WDR81: variants seen among roughly 807,000 people sequenced by gnomAD.
The protein encoded by WDR81 is WD repeat-containing protein 81.
WDR81 carries 92 observed loss-of-function variants against 140.8 expected under a neutral mutation model. The ratio of observed to expected loss-of-function variants is 0.65; its 90% CI spans 0.55 to 0.78. The LOEUF (loss-of-function observed/expected upper bound fraction) is 0.78. Among genes scored for constraint, WDR81 ranks in the 30% least tolerant of loss-of-function variants. The pLI is 0.00. For synonymous variants in WDR81, 1,183 were observed against 1,156.4 expected (o/e 1.02, Z -0.47); for missense variants, 2,502 against 2,636.4 (o/e 0.95, Z 1.12).
At position 1,732,129 on chromosome 17, in the gene WDR81, C is replaced by T. The variant is rs1014853183; in HGVS notation, c.4158-196C>T. On this transcript the variant is annotated intron_variant, in intron 4 of 9. Coordinates refer to ENST00000409644, the MANE Select transcript of WDR81 (RefSeq NM_001163809.2). ...GCTCATGCCTGTAGTCCCAGCTACT[C>T]GGGAGACTGAGGCAGGAGAATCGCT... Among the ~76,000 whole-genome samples, 5 of 151,956 alleles carry T rather than the reference C, an allele frequency of 3.3e-5. No homozygotes were observed. The East Asian group carries it at 9.6e-4, about 29-fold the overall frequency.
At chr17:1,730,541 C>T in intron 2 of WDR81, 54 bp downstream of exon 2, 1 of 1,557,570 alleles carries the variant, frequency 6.4e-7, no homozygotes, top group Non-Finnish European at 8.8e-7. Context: ...AGGCCCTCTG[C>T]CTAGCTTCAG....
Position 1,727,494 on chromosome 17 carries a change from G to GT in WDR81, c.2538dup (p.Glu847Ter). 6.4e-7 allele frequency: 1 copy of GT among 1,550,412 alleles called. No homozygotes were observed. The highest frequency in any genetic ancestry group is 8.7e-7 in the Non-Finnish European group (1 of 1,146,986). Reference sequence around the variant, plus strand: ...CAGAGAGGGGCAAGCTGGACCAACTGTTTGAGTACAGGCCTGTCTCCCAGG... The same window carrying GT: ...CAGAGAGGGGCAAGCTGGACCAACTGTTTTGAGTACAGGCCTGTCTCCCAGG... On this transcript the variant is annotated frameshift_variant, in exon 1 of 10. Transcript: ENST00000409644. LOFTEE classifies it high-confidence loss of function.
At chr17:1,723,885 G>A (rs1285904961), upstream of WDR81, among the ~76,000 whole-genome samples, 2 of 152,176 alleles carry the variant, frequency 1.3e-5, no homozygotes, top group Non-Finnish European at 2.9e-5. Context: ...TCCGCCAGGC[G>A]GACAAGCCTC....
chr17:1,728,352 C>G lies in WDR81; in HGVS notation c.3393C>G (p.Pro1131=). 5.6e-6 allele frequency: 9 copies of G among 1,612,904 alleles called. No homozygotes were observed. Among genetic ancestry groups the G allele is most frequent in the South Asian group, 3.3e-5 (3 of 91,078 alleles). ...EERAPDEGGA[P]VDKSSLRSGD... ...GGGCTCCAGACGAGGGGGGTGCCCCCGTGGACAAGAGCAGCCTTCGATCAG... is the reference window on the plus strand; with the variant it reads ...GGGCTCCAGACGAGGGGGGTGCCCCGGTGGACAAGAGCAGCCTTCGATCAG... Residue 1131 remains proline (P), a synonymous_variant, in exon 1 of 10, where the codon CCC becomes CCG. Transcript: ENST00000409644.
At position 1,725,085 on chromosome 17, in the gene WDR81, C is replaced by G. The variant is rs1915133067; in HGVS notation, c.126C>G (p.Pro42=). Residue 42 remains proline (P), a synonymous_variant, in exon 1 of 10, where the codon CCC becomes CCG. Transcript: ENST00000409644. The part of the protein sequence containing the change: ...RSVERDLSID[P]RQLAPAPGGT... Reference sequence around the variant, plus strand: ...TGGAGAGGGACCTGAGCATCGATCCCAGGCAGCTGGCTCCGGCCCCGGGGG... The same window carrying G: ...TGGAGAGGGACCTGAGCATCGATCCGAGGCAGCTGGCTCCGGCCCCGGGGG... The G allele has an allele frequency of 6.7e-7, 1 of 1,498,492 alleles. No homozygotes were observed. Among genetic ancestry groups the G allele is most frequent in the Non-Finnish European group, 8.9e-7 (1 of 1,124,282 alleles). The allele number at this position is 1,498,492 out of a possible 1,614,324, so 92.8% of individuals were successfully genotyped here. A position where few individuals can be genotyped will look rare whatever the true frequency, so the allele number is the denominator to read the frequency against.
At chr17:1,721,335 G>A (rs1914852788), upstream of WDR81, among the ~76,000 whole-genome samples, 1 of 148,980 alleles carries the variant, frequency 6.7e-6, no homozygotes, top group Non-Finnish European at 1.5e-5. Context: ...CTCCAGCCTG[G>A]GCAACAAGAG....
rs757079063 is a variant in WDR81, at chr17:1,728,134, T to C, written c.3175T>C (p.Ser1059Pro). 7.5e-6 allele frequency: 12 copies of C among 1,606,638 alleles called. No individual in the cohort carries two copies. The highest frequency in any genetic ancestry group is 1.0e-5 in the Non-Finnish European group (12 of 1,175,988). The change falls in exon 1 of 10, where the codon TCC (serine) becomes CCC (proline). Residue 1059 changes from serine to proline, a missense_variant. Physicochemically the swap from Ser to Pro is moderately conservative, Grantham distance 74 (BLOSUM62 -1). Around this residue, in one of 3 missense-constraint regions of WDR81, gnomAD observed 1,737 missense variants for 1,843.0 expected, o/e 0.94. Transcript: ENST00000409644. ...TCCCATGGATGGGGAGCCTCCTGCC[T>C]CCTCGGGCCTGGGGCTCCCAGACTA... is the stretch of plus-strand genomic sequence containing the variant. The part of the protein sequence containing the change: ...EIPMDGEPPA[S>P]SGLGLPDYTS...
Position 1,732,801 on chromosome 17 carries a change from A to G in WDR81, c.4459A>G (p.Thr1487Ala), listed in dbSNP as rs753913706. 2 of 1,612,606 alleles carry G rather than the reference A, an allele frequency of 1.2e-6. No homozygotes were observed. ...GGTGTTCACCCTGGAGATGGCATACACAATCTACGTGCCCTTCTCCTGCCT... is the reference window on the plus strand; with the variant it reads ...GGTGTTCACCCTGGAGATGGCATACGCAATCTACGTGCCCTTCTCCTGCCT... ...QKVFTLEMAY[T>A]IYVPFSCLLG... The change falls in exon 6 of 10, where the codon ACA becomes GCA. Residue 1487 changes from threonine (T) to alanine (A), a missense_variant. Physicochemically the swap from Thr to Ala is moderately conservative, Grantham distance 58 (BLOSUM62 0). This residue lies in a region of WDR81 where 1,737 missense variants were observed against 1,843.0 expected (regional missense o/e 0.94). Coordinates refer to ENST00000409644, the MANE Select transcript of WDR81 (RefSeq NM_001163809.2).
chr17:1,734,993 C>T (rs1384390166), intron 7 of WDR81, among the ~76,000 whole-genome samples: 1 of 151,860 alleles, frequency 6.6e-6, no homozygotes, highest in East Asian at 1.9e-4. Flanking sequence ...GGAGCCTGGC[C>T]GGGCCATGGA....
Position 1,737,681 on chromosome 17 carries a change from C to T in WDR81, c.5822C>T (p.Ala1941Val). The change falls in exon 10 of 10, where the codon GCA (alanine) becomes GTA (valine). Residue 1941 changes from alanine to valine, a missense_variant. Ala to Val is a moderately conservative substitution (Grantham distance 64). Coordinates refer to ENST00000409644, the MANE Select transcript of WDR81 (RefSeq NM_001163809.2). ...GSDNGVIRLL[A>V] ...GACAACGGGGTTATCCGCCTCCTGGCATAGACTGAGGCAGGAGCTGGCCGG... is the reference window on the plus strand; with the variant it reads ...GACAACGGGGTTATCCGCCTCCTGGTATAGACTGAGGCAGGAGCTGGCCGG... The T allele has an allele frequency of 6.2e-7, 1 of 1,606,456 alleles. No individual in the cohort carries two copies. The highest frequency in any genetic ancestry group is 8.5e-7 in the Non-Finnish European group (1 of 1,177,160).
Position 1,733,719 on chromosome 17 carries a change from G to A in WDR81, c.4682G>A (p.Ser1561Asn). The change falls in exon 7 of 10, where the codon AGC (serine) becomes AAC (asparagine). Residue 1561 changes from serine to asparagine, a missense_variant. This residue lies in a region of WDR81 where 1,737 missense variants were observed against 1,843.0 expected (regional missense o/e 0.94). Transcript: ENST00000409644. ...GACGGCCACTCAGGGACCTTTGGGA[G>A]CGTCCTGGTGGGGAACCGCATTCAG... ...QDDGHSGTFG[S>N]VLVGNRIQIP... 2 of 1,612,658 alleles carry A rather than the reference G, an allele frequency of 1.2e-6. No homozygotes were observed. Among genetic ancestry groups the A allele is most frequent in the South Asian group, 1.1e-5 (1 of 91,072 alleles).
At chr17:1,722,527 G>A (rs1914923313), upstream of WDR81, among the ~76,000 whole-genome samples, 1 of 150,750 alleles carries the variant, frequency 6.6e-6, no homozygotes, top group African/African-American at 2.4e-5. Context: ...TTGTATTTTA[G>A]TAGAGATGGG....
Position 1,736,096 on chromosome 17 carries a change from A to G in WDR81, c.5383A>G (p.Ser1795Gly). The change falls in exon 9 of 10, where the codon AGC becomes GGC. Residue 1795 changes from serine (S) to glycine (G), a missense_variant. Around this residue, in one of 3 missense-constraint regions of WDR81, gnomAD observed 1,737 missense variants for 1,843.0 expected, o/e 0.94. Transcript: ENST00000409644. ...NPGLVRALAISPSGRSVVAGF... is the reference protein window; with the variant it reads ...NPGLVRALAIGPSGRSVVAGF... ...TGGGCTTGTCCGTGCCCTGGCCATC[A>G]GCCCCAGTGGCCGTAGTGTCGTGGC... is the stretch of plus-strand genomic sequence containing the variant. The G allele has an allele frequency of 1.2e-6, 2 of 1,602,322 alleles. No individual in the cohort carries two copies. Among genetic ancestry groups the G allele is most frequent in the Non-Finnish European group, 1.7e-6 (2 of 1,179,840 alleles).
chr17:1,720,588 C>G (rs1046710489), upstream of WDR81, among the ~76,000 whole-genome samples: 1 of 151,910 alleles, frequency 6.6e-6, no homozygotes, highest in Non-Finnish European at 1.5e-5. Flanking sequence ...ACCAGCCTGG[C>G]CAACATGGTG....
intron 1 of WDR81, chr17:1,716,911 C>G (rs1914597446): frequency 3.6e-6 from 2 of 550,942 alleles, no homozygotes; most frequent in Admixed American, 3.4e-5. Context: ...CAGCCCACTC[C>G]TCCTGGGGGC....
upstream of WDR81, among the ~76,000 whole-genome samples, chr17:1,720,328 G>A (rs946234105): frequency 2.0e-5 from 3 of 152,222 alleles, no homozygotes; most frequent in Non-Finnish European, 4.4e-5. Context: ...CAGGGAACAC[G>A]CTTACTGGGG....
chr17:1,734,986 G>T (rs1339778928), intron 7 of WDR81, among the ~76,000 whole-genome samples: 1 of 152,030 alleles, frequency 6.6e-6, no homozygotes, highest in Non-Finnish European at 1.5e-5. Context: ...GGGGATGGGA[G>T]CCTGGCCGGG....
chr17:1,730,850 G>A lies in WDR81; in HGVS notation c.3871G>A (p.Val1291Met), dbSNP rs749369711. ...GAAGAGGCCGGTCCTGGGCGACATC[G>A]TGTCAGGGCCTGTGCTCAGCTGCCT... is the stretch of plus-strand genomic sequence containing the variant. ...YQKRPVLGDI[V>M]SGPVLSCLLH... is the part of the protein sequence containing the mutation. The change falls in exon 3 of 10, where the codon GTG becomes ATG. Residue 1291 changes from valine to methionine, a missense_variant. Around this residue, in one of 3 missense-constraint regions of WDR81, gnomAD observed 1,737 missense variants for 1,843.0 expected, o/e 0.94. Transcript: ENST00000409644. 6 of 1,612,838 alleles carry A rather than the reference G, an allele frequency of 3.7e-6. No homozygotes were observed. The highest frequency in any genetic ancestry group is 1.1e-5 in the South Asian group (1 of 91,086).
At position 1,730,424 on chromosome 17, in the gene WDR81, C is replaced by T; in HGVS notation, c.3712C>T (p.Pro1238Ser). The T allele has an allele frequency of 6.2e-7, 1 of 1,613,230 alleles. No individual in the cohort carries two copies. The highest frequency in any genetic ancestry group is 1.1e-5 in the South Asian group (1 of 91,062). ...CCGCTGGCTGTCTGCCAAGCTCGGCCCCACAGTGGCCTCTCGCCACGTGGC... is the reference window on the plus strand; with the variant it reads ...CCGCTGGCTGTCTGCCAAGCTCGGCTCCACAGTGGCCTCTCGCCACGTGGC... The part of the protein sequence containing the change: ...MVRWLSAKLG[P>S]TVASRHVARN... The change falls in exon 2 of 10, where the codon CCC becomes TCC. Residue 1238 changes from proline to serine, a missense_variant. Pro to Ser is a moderately conservative substitution (Grantham distance 74, BLOSUM62 -1). This residue lies in a region of WDR81 where 1,737 missense variants were observed against 1,843.0 expected (regional missense o/e 0.94). Coordinates refer to ENST00000409644, the MANE Select transcript of WDR81 (RefSeq NM_001163809.2).
Sources: gnomAD v4.1 joint callset for allele counts (sites outside exome capture counted in the v4.1 genomes callset) on GRCh38, gnomAD v4.1.1 for gene constraint, gnomAD v4.1.1 regional missense constraint, MANE v1.5 for transcripts, NCBI Gene and HGNC (gene_info 2026-07-23, HGNC 2026-07-21) for gene names.